The following TTLL7 variants were observed in gnomAD, a reference collection of about 807,000 sequenced individuals.
TTLL7 encodes the protein tubulin tyrosine ligase like 7, also known as tubulin polyglutamylase TTLL7.
Under a neutral mutation model 120.2 loss-of-function variants are expected in TTLL7, and 53 were observed. That is an observed-to-expected ratio of 0.44 (90% confidence interval 0.35 to 0.55). The LOEUF (loss-of-function observed/expected upper bound fraction) is 0.55. Ranked by LOEUF, TTLL7 falls within the 20% of genes least tolerant of loss-of-function variation. The pLI is 0.00. For synonymous variants in TTLL7, 353 were observed against 351.7 expected, an observed-to-expected ratio of 1.00 and a Z score of -0.04; for missense variants, 803 against 1,054.7, an observed-to-expected ratio of 0.76 and a Z score of 3.31.
chr1:83,963,281 A>G (rs80258885), intron 1 of TTLL7, among the ~76,000 whole-genome samples: 20,625 of 152,062 alleles, frequency 0.14, 1,887 homozygotes, highest in Non-Finnish European at 0.2. Flanking sequence ...AATCAGGCTC[A>G]GTACTCATTT....
chr1:83,899,428 C>T (rs1656514973), intron 18 of TTLL7, among the ~76,000 whole-genome samples: 1 of 151,968 alleles, frequency 6.6e-6, no homozygotes, highest in African/African-American at 2.4e-5. Context: ...TAGCATTCCT[C>T]AGCGACTTTC....
chr1:83,956,639 A>C (rs1239947344), intron 1 of TTLL7, among the ~76,000 whole-genome samples: 2 of 152,198 alleles, frequency 1.3e-5, no homozygotes, highest in Non-Finnish European at 2.9e-5. Context: ...CATGTTGGTC[A>C]GGCTGGTCTC....
intron 14 of TTLL7, among the ~76,000 whole-genome samples, chr1:83,914,784 T>C (rs936445407): frequency 2.6e-5 from 4 of 152,200 alleles, no homozygotes; most frequent in African/African-American, 7.2e-5. Flanking sequence ...ACTTGCCACA[T>C]TACTCCCTGG....
At position 83,869,838 on chromosome 1, in the gene TTLL7, C is replaced by T; in HGVS notation, c.*124G>A. On this transcript the variant is annotated 3_prime_UTR_variant, in exon 21 of 21. Coordinates refer to ENST00000260505, the MANE Select transcript of TTLL7 (RefSeq NM_024686.6). ...TAGGGTGCATATGTGCATATATTTT[C>T]ACACATATATATGTCTTATATACAT... is the stretch of plus-strand genomic sequence containing the variant. 1 of 962,590 alleles carries T rather than the reference C, an allele frequency of 1.0e-6. No homozygotes were observed. Among genetic ancestry groups the T allele is most frequent in the Non-Finnish European group, 1.5e-6 (1 of 674,062 alleles). The allele number at this position is 962,590 out of a possible 1,614,324, so 59.6% of individuals were successfully genotyped here. A position where few individuals can be genotyped will look rare whatever the true frequency, so the allele number is the denominator to read the frequency against.
At chr1:83,963,534 T>C (rs566824507) in intron 1 of TTLL7, among the ~76,000 whole-genome samples, 1 of 152,238 alleles carries the variant, frequency 6.6e-6, no homozygotes. Flanking sequence ...ATAAGGAACT[T>C]AGATTCCATT....
At chr1:83,934,433 G>C (rs1447064939) in intron 8 of TTLL7, among the ~76,000 whole-genome samples, 1 of 152,106 alleles carries the variant, frequency 6.6e-6, no homozygotes, top group Admixed American at 6.6e-5. Flanking sequence ...TTAGATAAAG[G>C]CTGAAAGGGC....
chr1:83,883,192 CTATA>C, intron 19 of TTLL7, 56 bp from the exon 20 acceptor site: 1 of 1,404,932 alleles, frequency 7.1e-7, no homozygotes, highest in Non-Finnish European at 9.6e-7. Context: ...TGACAACCAG[CTATA>C]TATCACTTCC....
chr1:83,867,376 T>C lies in TTLL7; in HGVS notation c.*2586A>G, dbSNP rs1652984783. ...AAGGCTTTTATTCACAACTTCATCA[T>C]ATCAAACTACATCAGTCTAAATAGG... On this transcript the variant is annotated 3_prime_UTR_variant, in exon 21 of 21. Coordinates refer to ENST00000260505, the MANE Select transcript of TTLL7 (RefSeq NM_024686.6). 6.6e-6 allele frequency: 1 copy of C among 152,000 alleles called. No homozygotes were observed. The highest frequency in any genetic ancestry group is 1.5e-5 in the Non-Finnish European group (1 of 67,882). The allele number at this position is 152,000 out of a possible 1,614,324, so 9.4% of individuals were successfully genotyped here. A position where few individuals can be genotyped will look rare whatever the true frequency, so the allele number is the denominator to read the frequency against.
At chr1:83,873,789 T>C (rs546383975) in intron 20 of TTLL7, among the ~76,000 whole-genome samples, 1 of 152,240 alleles carries the variant, frequency 6.6e-6, no homozygotes, top group South Asian at 2.1e-4. Context: ...ATTTCAAGAC[T>C]GATAGAAATT....
At chr1:83,943,889 G>C (rs148586963) in intron 6 of TTLL7, among the ~76,000 whole-genome samples, 10 of 152,072 alleles carry the variant, frequency 6.6e-5, no homozygotes, top group Non-Finnish European at 1.2e-4. Flanking sequence ...CATGTACAAA[G>C]AACTGAAAGA....
At chr1:83,948,840 T>C in intron 4 of TTLL7, 145 bp from the exon 5 acceptor site, 1 of 548,474 alleles carries the variant, frequency 1.8e-6, no homozygotes, top group East Asian at 3.1e-5. Context: ...TTAAATGACC[T>C]ACAGTGAATT....
chr1:83,890,556 T>G, intron 18 of TTLL7, 75 bp from the exon 19 acceptor site: 3 of 1,282,800 alleles, frequency 2.3e-6, no homozygotes, highest in East Asian at 2.4e-5. Flanking sequence ...TAGCTTGAGC[T>G]CAGGAGTTCC....
At chr1:83,969,293 T>C (rs1239963871) in intron 1 of TTLL7, among the ~76,000 whole-genome samples, 1 of 151,984 alleles carries the variant, frequency 6.6e-6, no homozygotes, top group Admixed American at 6.6e-5. Context: ...GTTTACTCTC[T>C]CAATTATATT....
At chr1:83,976,031 CTCTGTGTGTG>C (rs749134481) in intron 1 of TTLL7, among the ~76,000 whole-genome samples, 1,407 of 64,330 alleles carry the variant, frequency 0.022, 11 homozygotes, top group South Asian at 0.037. Context: ...TTTTGTCTCT[CTCTGTGTGTG>C]TGTGTGTGTG....
chr1:83,921,083 T>C lies in TTLL7; in HGVS notation c.1364+4A>G, dbSNP rs375520615. 1 of 1,610,652 alleles carries C rather than the reference T, an allele frequency of 6.2e-7. No individual in the cohort carries two copies. The highest frequency in any genetic ancestry group is 1.3e-5 in the African/African-American group (1 of 74,760). On this transcript the variant is annotated splice_donor_region_variant and intron_variant, in intron 12 of 20. Coordinates refer to ENST00000260505, the MANE Select transcript of TTLL7 (RefSeq NM_024686.6). ...AATCTATACAAAAATAGCAGCACAG[T>C]TACCTATAATTCCCCATATGTCGAT...
chr1:83,934,329 T>C (rs899583663), intron 8 of TTLL7, among the ~76,000 whole-genome samples: 2 of 152,098 alleles, frequency 1.3e-5, no homozygotes, highest in Admixed American at 6.6e-5. Context: ...GGTAGGAGCA[T>C]ACGCTAGCCC....
In TTLL7 at chr1:83,868,358, A is replaced by G. The variant is rs893710436; in HGVS notation, c.*1604T>C. 2 of 152,256 alleles carry G rather than the reference A, an allele frequency of 1.3e-5. No individual in the cohort carries two copies. The highest frequency in any genetic ancestry group is 6.5e-5 in the Admixed American group (1 of 15,290). 9.4% of individuals were successfully genotyped at this position (152,256 alleles called of 1,614,324 possible). A position where few individuals can be genotyped will look rare whatever the true frequency, so the allele number is the denominator to read the frequency against. On this transcript the variant is annotated 3_prime_UTR_variant, in exon 21 of 21. Coordinates refer to ENST00000260505, the MANE Select transcript of TTLL7 (RefSeq NM_024686.6). ...AAGTGATGGCTGCACTGATGATTTC[A>G]ATGTCAAAGTAGTACGGCTTATATT...
chr1:83,890,501 A>G lies in TTLL7; in HGVS notation c.2209-20T>C. ...CAAAACCTAGTGGAAAAACCAAAGTACTTACAATCTAGGAATGTATATCTG... is the reference window on the plus strand; with the variant it reads ...CAAAACCTAGTGGAAAAACCAAAGTGCTTACAATCTAGGAATGTATATCTG... On this transcript the variant is annotated intron_variant, in intron 18 of 20. Coordinates refer to ENST00000260505, the MANE Select transcript of TTLL7 (RefSeq NM_024686.6). The G allele has an allele frequency of 1.3e-6, 2 of 1,597,572 alleles. No individual in the cohort carries two copies. Among genetic ancestry groups the G allele is most frequent in the Non-Finnish European group, 1.7e-6 (2 of 1,170,454 alleles).
rs1657307708 is a variant in TTLL7, at chr1:83,907,578, G to A, written c.1870C>T (p.Gln624Ter). 6.2e-7 allele frequency: 1 copy of A among 1,613,236 alleles called. No individual in the cohort carries two copies. Among genetic ancestry groups the A allele is most frequent in the African/African-American group, 1.3e-5 (1 of 74,880 alleles). ...SSGDTRPFSAQQMISVSRPTS... is the reference protein window; with the variant it reads ...SSGDTRPFSA Reference sequence around the variant, plus strand: ...GGCCGTGACACAGATATCATTTGTTGAGCAGAAAATGGGCGGGTGTCCCCA... The same window carrying A: ...GGCCGTGACACAGATATCATTTGTTAAGCAGAAAATGGGCGGGTGTCCCCA... Residue 624 changes from glutamine (Q) to a stop codon, truncating the protein, a stop_gained, in exon 16 of 21, where the codon CAA becomes TAA. Coordinates refer to ENST00000260505, the MANE Select transcript of TTLL7 (RefSeq NM_024686.6). LOFTEE classifies it high-confidence loss of function.
Sources: gnomAD v4.1 joint callset for allele counts (sites outside exome capture counted in the v4.1 genomes callset) on GRCh38, gnomAD v4.1.1 for gene constraint, MANE v1.5 for transcripts, NCBI Gene and HGNC (gene_info 2026-07-23, HGNC 2026-07-21) for gene names.